DENND1A: variants seen among roughly 807,000 people sequenced by gnomAD.
DENND1A encodes DENN domain containing 1A, also known as DENN domain-containing protein 1A.
Under a neutral mutation model 113.7 loss-of-function variants are expected in DENND1A, and 51 were observed. That is an observed-to-expected ratio of 0.45 (90% CI 0.36 to 0.57). The LOEUF (loss-of-function observed/expected upper bound fraction) is 0.57. DENND1A is among the 20% of genes least tolerant of loss of function. The pLI, the probability that DENND1A is intolerant of heterozygous loss-of-function variation, is 0.00. For missense variants in DENND1A, 1,258 were observed against 1,395.9 expected (o/e 0.90, Z 1.57); for synonymous variants, 565 against 570.8 (o/e 0.99, Z 0.14).
intron 5 of DENND1A, among the ~76,000 whole-genome samples, chr9:123,714,301 G>A (rs1336410925): frequency 2.0e-5 from 3 of 152,122 alleles, no homozygotes; most frequent in Non-Finnish European, 1.5e-5. Flanking sequence ...ATGTTGCAGG[G>A]ACAAAAACTC....
intron 1 of DENND1A, among the ~76,000 whole-genome samples, chr9:123,888,078 T>C (rs762886741): frequency 2.0e-5 from 3 of 152,152 alleles, no homozygotes; most frequent in Non-Finnish European, 2.9e-5. Context: ...AGGCCTTGGC[T>C]TCTAAATACA....
chr9:123,548,847 C>T (rs1268799125), intron 13 of DENND1A, among the ~76,000 whole-genome samples: 1 of 152,162 alleles, frequency 6.6e-6, no homozygotes, highest in Non-Finnish European at 1.5e-5. Flanking sequence ...CTTCTATGAA[C>T]TATCTAGAAT....
At position 123,655,171 on chromosome 9, in the gene DENND1A, T is replaced by C. The variant is rs28570976; in HGVS notation, c.508-3048A>G. On this transcript the variant is annotated intron_variant, in intron 8 of 23. Transcript: ENST00000394215. The stretch of plus-strand genomic sequence containing the variant: ...TCCCGGGAGACTTCCTCAATTCATT[T>C]GTCAAGTTCTCCTGTATGCTTCCAT... Among the ~76,000 whole-genome samples the C allele has an allele frequency of 5.5e-3, 842 of 152,336 alleles. 10 individuals carry two copies. The highest frequency in any genetic ancestry group is 0.019 in the African/African-American group (795 of 41,580).
chr9:123,919,834 A>T (rs1169358560), intron 1 of DENND1A, among the ~76,000 whole-genome samples: 3 of 143,908 alleles, frequency 2.1e-5, no homozygotes, highest in Non-Finnish European at 4.5e-5. Flanking sequence ...GCGTGCCGAG[A>T]TTGCATCACT....
At chr9:123,528,877 C>T (rs1395192360) in intron 13 of DENND1A, among the ~76,000 whole-genome samples, 1 of 152,202 alleles carries the variant, frequency 6.6e-6, no homozygotes, top group Non-Finnish European at 1.5e-5. Flanking sequence ...TTTACCCATG[C>T]CATTCCCTCT....
chr9:123,659,974 C>T (rs2063147209), intron 8 of DENND1A, among the ~76,000 whole-genome samples: 1 of 152,226 alleles, frequency 6.6e-6, no homozygotes, highest in Admixed American at 6.5e-5. Flanking sequence ...AGAGGAAAGG[C>T]TTTCCTGCTT....
chr9:123,529,259 C>T (rs1242129690), intron 13 of DENND1A, among the ~76,000 whole-genome samples: 1 of 152,052 alleles, frequency 6.6e-6, no homozygotes, highest in Non-Finnish European at 1.5e-5. Flanking sequence ...GTAATAGATA[C>T]ATTAAAAACA....
chr9:123,907,500 T>C (rs1853089034), intron 1 of DENND1A, among the ~76,000 whole-genome samples: 1 of 145,944 alleles, frequency 6.9e-6, no homozygotes, highest in Non-Finnish European at 1.5e-5. Flanking sequence ...CAGCAAAGTC[T>C]CAGGATACAA....
chr9:123,929,032 G>A, intron 1 of DENND1A: 1 of 508,438 alleles, frequency 2.0e-6, no homozygotes, highest in Non-Finnish European at 2.5e-6. Flanking sequence ...GGCCACAAGA[G>A]GACCTGGCTG....
chr9:123,477,389 A>C (rs1053709231), intron 13 of DENND1A, among the ~76,000 whole-genome samples: 2 of 149,492 alleles, frequency 1.3e-5, no homozygotes, highest in Admixed American at 1.3e-4. Context: ...CATCTCTATA[A>C]ATTTTTTTTT....
chr9:123,445,919 CCTA>C (rs965167554), intron 18 of DENND1A, among the ~76,000 whole-genome samples: 12 of 152,186 alleles, frequency 7.9e-5, no homozygotes, highest in African/African-American at 2.9e-4. Flanking sequence ...TTATTCAGTG[CCTA>C]CTAAGTGTTG....
At chr9:123,556,505 C>T (rs1252928150) in intron 13 of DENND1A, among the ~76,000 whole-genome samples, 3 of 152,236 alleles carry the variant, frequency 2.0e-5, no homozygotes, top group Non-Finnish European at 4.4e-5. Context: ...ATAAAGAATG[C>T]ATTGTCTCAC....
intron 10 of DENND1A, among the ~76,000 whole-genome samples, chr9:123,612,171 T>C (rs1219297906): frequency 6.6e-6 from 1 of 152,214 alleles, no homozygotes; most frequent in African/African-American, 2.4e-5. Context: ...CTTCCCTGAA[T>C]CTACTGCATG....
chr9:123,703,924 T>C (rs532923643), intron 5 of DENND1A, among the ~76,000 whole-genome samples: 10 of 152,168 alleles, frequency 6.6e-5, no homozygotes, highest in African/African-American at 2.2e-4. Context: ...ACTCATTAAA[T>C]TGTACACTTA....
chr9:123,691,032 C>G (rs2140392649), intron 5 of DENND1A, among the ~76,000 whole-genome samples: 1 of 152,306 alleles, frequency 6.6e-6, no homozygotes, highest in East Asian at 1.9e-4. Flanking sequence ...TCAATAAACC[C>G]TGGCAGGCTC....
chr9:123,828,962 G>A (rs979911131), intron 2 of DENND1A, among the ~76,000 whole-genome samples: 1 of 152,114 alleles, frequency 6.6e-6, no homozygotes, highest in African/African-American at 2.4e-5. Flanking sequence ...AGAGACCACA[G>A]AACTGAAATA....
chr9:123,525,543 G>A (rs879643955), intron 13 of DENND1A, among the ~76,000 whole-genome samples: 14 of 152,142 alleles, frequency 9.2e-5, no homozygotes, highest in South Asian at 4.1e-4. Flanking sequence ...AACCGGATCC[G>A]TTTCTCACTG....
chr9:123,877,437 C>T (rs909925029), intron 2 of DENND1A, among the ~76,000 whole-genome samples: 1 of 151,728 alleles, frequency 6.6e-6, no homozygotes, highest in East Asian at 1.9e-4. Flanking sequence ...TGCAGTGAGC[C>T]GAGATCATGC....
At chr9:123,822,389 T>C (rs753342783) in intron 2 of DENND1A, among the ~76,000 whole-genome samples, 4 of 152,136 alleles carry the variant, frequency 2.6e-5, no homozygotes, top group Non-Finnish European at 5.9e-5. Flanking sequence ...ATACAACATA[T>C]AGAAGTAAAA....
Sources: gnomAD v4.1 joint callset for allele counts (sites outside exome capture counted in the v4.1 genomes callset) on GRCh38, gnomAD v4.1.1 for gene constraint, MANE v1.5 for transcripts, NCBI Gene and HGNC (gene_info 2026-07-23, HGNC 2026-07-21) for gene names.